FREM2: variants seen among roughly 807,000 people sequenced by gnomAD.
The protein encoded by FREM2 is FRAS1-related extracellular matrix protein 2.
In FREM2, 119 loss-of-function variants were observed where a neutral mutation model predicts 219.9. The observed-to-expected ratio is 0.54, with a 90% CI of 0.47 to 0.63. The LOEUF is 0.63. Among genes scored for constraint, FREM2 ranks in the 30% least tolerant of loss-of-function variants. FREM2 has a pLI of 0.00. For missense variants in FREM2, 4,030 were observed against 3,993.6 expected (o/e 1.01, Z -0.25); for synonymous variants, 1,562 against 1,522.8 (o/e 1.03, Z -0.60).
intron 1 of FREM2, 112 bp from the exon 2 acceptor site, chr13:38,697,573 TCTGTTAGGAGGAA>T: frequency 1.5e-6 from 1 of 685,314 alleles, no homozygotes; most frequent in Non-Finnish European, 2.6e-6. Context: ...CAGCACTGTT[TCTGTTAGGAGGAA>T]AAAGGAATTT....
intron 2 of FREM2, among the ~76,000 whole-genome samples, chr13:38,711,103 A>G (rs915495471): frequency 6.6e-6 from 1 of 152,088 alleles, no homozygotes; most frequent in Non-Finnish European, 1.5e-5. Flanking sequence ...TTCTTGATTT[A>G]TGTTCTGGAT....
At chr13:38,817,226 C>T (rs984806442) in intron 6 of FREM2, among the ~76,000 whole-genome samples, 15 of 151,910 alleles carry the variant, frequency 9.9e-5, no homozygotes, top group African/African-American at 3.6e-4. Context: ...TAAAATTTAT[C>T]TAGAACAAAA....
chr13:38,692,532 T>G lies in FREM2; in HGVS notation c.5173+15T>G. On this transcript the variant is annotated intron_variant, in intron 1 of 23. Coordinates refer to ENST00000280481, the MANE Select transcript of FREM2 (RefSeq NM_207361.6). ...GTTCACACAAGGTATGTTTCATGTT[T>G]CTTTTCTTGGTTATCCTTGTTTCCT... The G allele has an allele frequency of 6.2e-7, 1 of 1,605,708 alleles. No individual in the cohort carries two copies. The highest frequency in any genetic ancestry group is 1.7e-4 in the Middle Eastern group (1 of 6,060).
At chr13:38,874,979 G>A (rs1291815322) in intron 18 of FREM2, among the ~76,000 whole-genome samples, 1 of 152,098 alleles carries the variant, frequency 6.6e-6, no homozygotes, top group Non-Finnish European at 1.5e-5. Context: ...TAGGTACTGT[G>A]AGAAACCCTT....
At chr13:38,704,934 G>T (rs182193691) in intron 2 of FREM2, among the ~76,000 whole-genome samples, 3 of 152,196 alleles carry the variant, frequency 2.0e-5, no homozygotes, top group East Asian at 3.9e-4. Flanking sequence ...CATGAGAACC[G>T]CATGGGGGAA....
At chr13:38,877,386 T>C in intron 21 of FREM2, 143 bp downstream of exon 21, 2 of 937,122 alleles carry the variant, frequency 2.1e-6, no homozygotes, top group Non-Finnish European at 3.5e-6. Flanking sequence ...CCACTCTGGC[T>C]GGTGTGGGAA....
intron 6 of FREM2, among the ~76,000 whole-genome samples, chr13:38,812,960 C>T (rs1256501827): frequency 6.6e-6 from 1 of 150,966 alleles, no homozygotes; most frequent in Non-Finnish European, 1.5e-5. Flanking sequence ...TTAACTTCAC[C>T]CCTGCCCCTG....
intron 2 of FREM2, among the ~76,000 whole-genome samples, chr13:38,760,032 A>G (rs1266719462): frequency 2.0e-5 from 3 of 152,224 alleles, no homozygotes; most frequent in Non-Finnish European, 4.4e-5. Context: ...AAGATTTTAC[A>G]AATTCTGAAA....
At chr13:38,770,244 G>A (rs952161482) in intron 4 of FREM2, among the ~76,000 whole-genome samples, 6 of 149,324 alleles carry the variant, frequency 4.0e-5, no homozygotes, top group Non-Finnish European at 7.4e-5. Context: ...CGTTTGTAAA[G>A]ACACGGTCTT....
At chr13:38,732,435 T>A (rs1871804283) in intron 2 of FREM2, among the ~76,000 whole-genome samples, 1 of 150,540 alleles carries the variant, frequency 6.6e-6, no homozygotes, top group African/African-American at 2.5e-5. Context: ...ATAAACTACT[T>A]TAGTTATGAC....
At chr13:38,813,351 T>G (rs9566365) in intron 6 of FREM2, among the ~76,000 whole-genome samples, 23,075 of 150,780 alleles carry the variant, frequency 0.15, 2,070 homozygotes, top group East Asian at 0.27. Flanking sequence ...GGGTAAAAGG[T>G]TTTTTTTCCT....
chr13:38,728,532 A>T (rs897739468), intron 2 of FREM2, among the ~76,000 whole-genome samples: 3 of 151,888 alleles, frequency 2.0e-5, no homozygotes, highest in African/African-American at 7.3e-5. Context: ...CAGCCACCAG[A>T]GTAGCTGGGA....
In FREM2 at chr13:38,861,656, T is replaced by A; in HGVS notation, c.7651+94T>A. 5.0e-6 allele frequency: 7 copies of A among 1,410,658 alleles called. No homozygotes were observed. In the South Asian group the frequency reaches 8.1e-5, roughly 16 times the overall value. 87.4% of individuals were successfully genotyped at this position (1,410,658 alleles called of 1,614,324 possible). ...CATCTTCTAAATAACCAAGCTTAAA[T>A]AAACGTTCAATTTGCAACTTGAGCT... On this transcript the variant is annotated intron_variant, in intron 15 of 23. Coordinates refer to ENST00000280481, the MANE Select transcript of FREM2 (RefSeq NM_207361.6).
At position 38,864,468 on chromosome 13, in the gene FREM2, C is replaced by T. The variant is rs1293515453; in HGVS notation, c.7845C>T (p.Ser2615=). Residue 2615 remains serine, a synonymous_variant, in exon 16 of 24, where the codon AGC becomes AGT. Coordinates refer to ENST00000280481, the MANE Select transcript of FREM2 (RefSeq NM_207361.6). ...IIGETYPYQY[S]LSIRGSTTLR... ...GAGAGACATATCCTTACCAGTACAG[C>T]TTGTCCATCAGAGGTTCCACTACCT... 6.2e-7 allele frequency: 1 copy of T among 1,614,170 alleles called. No individual in the cohort carries two copies. Among genetic ancestry groups the T allele is most frequent in the East Asian group, 2.2e-5 (1 of 44,890 alleles).
intron 6 of FREM2, among the ~76,000 whole-genome samples, chr13:38,788,950 G>A (rs1031459883): frequency 6.6e-6 from 1 of 151,968 alleles, no homozygotes; most frequent in African/African-American, 2.4e-5. Context: ...GTAATGAATT[G>A]CATTTTTAGA....
chr13:38,802,347 G>A (rs775747271), intron 6 of FREM2, among the ~76,000 whole-genome samples: 1 of 152,158 alleles, frequency 6.6e-6, no homozygotes, highest in Non-Finnish European at 1.5e-5. Context: ...ACAATTACCT[G>A]CTTGGCCTCT....
chr13:38,752,696 T>A (rs1422805213), intron 2 of FREM2, among the ~76,000 whole-genome samples: 1 of 152,226 alleles, frequency 6.6e-6, no homozygotes, highest in Non-Finnish European at 1.5e-5. Context: ...TATACCACAT[T>A]TTCAAAAGAT....
intron 1 of FREM2, among the ~76,000 whole-genome samples, chr13:38,695,772 T>C (rs1483770142): frequency 6.6e-6 from 1 of 152,050 alleles, no homozygotes; most frequent in Admixed American, 6.6e-5. Flanking sequence ...GCTTCAGTTC[T>C]TACCCTGGCA....
At chr13:38,761,506 T>C (rs531544489) in intron 2 of FREM2, among the ~76,000 whole-genome samples, 190 of 152,320 alleles carry the variant, frequency 1.2e-3, no homozygotes, top group Admixed American at 3.8e-3. Flanking sequence ...AAATATTTTT[T>C]AAAAACAATG....
Sources: gnomAD v4.1 joint callset for allele counts (sites outside exome capture counted in the v4.1 genomes callset) on GRCh38, gnomAD v4.1.1 for gene constraint, MANE v1.5 for transcripts, NCBI Gene and HGNC (gene_info 2026-07-23, HGNC 2026-07-21) for gene names.